MEGF10: variants seen among roughly 807,000 people sequenced by gnomAD.
MEGF10 encodes the protein multiple EGF like domains 10, also known as multiple epidermal growth factor-like domains protein 10.
A neutral mutation model predicts 147.5 loss-of-function variants in MEGF10; 86 were observed. The ratio of observed to expected loss-of-function variants is 0.58; its 90% CI spans 0.49 to 0.70. MEGF10 has a LOEUF of 0.70. Ranked by LOEUF, MEGF10 falls within the 30% of genes least tolerant of loss-of-function variation. MEGF10 has a pLI of 0.00. For missense variants in MEGF10, 1,329 were observed against 1,487.3 expected, an observed-to-expected ratio of 0.89 and a Z score of 1.75; for synonymous variants, 478 against 525.5, an observed-to-expected ratio of 0.91 and a Z score of 1.24.
At chr5:127,360,332 TTTATC>T (rs1313112815) in intron 4 of MEGF10, among the ~76,000 whole-genome samples, 1 of 152,098 alleles carries the variant, frequency 6.6e-6, no homozygotes, top group Non-Finnish European at 1.5e-5. Flanking sequence ...CGTAGTGACT[TTTATC>T]TGTAATTTTG....
chr5:127,318,904 T>C (rs1374326573), intron 1 of MEGF10, among the ~76,000 whole-genome samples: 2 of 152,198 alleles, frequency 1.3e-5, no homozygotes, highest in African/African-American at 2.4e-5. Flanking sequence ...TATATAAAAA[T>C]TGCTAATTCC....
At chr5:127,337,325 A>G (rs1021078308) in intron 2 of MEGF10, among the ~76,000 whole-genome samples, 4 of 152,080 alleles carry the variant, frequency 2.6e-5, no homozygotes, top group African/African-American at 9.7e-5. Context: ...GGTTATTTCT[A>G]ATCATTTATA....
At chr5:127,294,799 AAATAATAATAAT>A (rs200086613) in intron 1 of MEGF10, among the ~76,000 whole-genome samples, 21 of 108,066 alleles carry the variant, frequency 1.9e-4, no homozygotes, top group East Asian at 1.0e-3. Flanking sequence ...ACTCTGTCTC[AAATAATAATAAT>A]AATAATAATA....
rs138707806 is a variant in MEGF10, at chr5:127,339,847, T to G, written c.218+626T>G. On this transcript the variant is annotated intron_variant, in intron 3 of 24. Coordinates refer to ENST00000503335, the MANE Select transcript of MEGF10 (RefSeq NM_001256545.2). Reference sequence around the variant, plus strand: ...ACACAAGCTGGCCTTGGCCACTCTGTGTAAATTAGCATTTCCCGCCTGTCA... The same window carrying G: ...ACACAAGCTGGCCTTGGCCACTCTGGGTAAATTAGCATTTCCCGCCTGTCA... Among the ~76,000 whole-genome samples, 840 of 152,310 alleles carry G rather than the reference T, an allele frequency of 5.5e-3. 2 individuals are homozygous for G. The highest frequency in any genetic ancestry group is 9.1e-3 in the Non-Finnish European group (618 of 68,022).
chr5:127,402,540 A>G lies in MEGF10; in HGVS notation c.781-6A>G. 1 of 1,611,312 alleles carries G rather than the reference A, an allele frequency of 6.2e-7. No individual in the cohort carries two copies. The highest frequency in any genetic ancestry group is 2.2e-5 in the East Asian group (1 of 44,766). ...CATCTAATTTTCCAAGTCTCTTTGAATGCAGGGCACAGTGTGTGGTCAGCC... is the reference window on the plus strand; with the variant it reads ...CATCTAATTTTCCAAGTCTCTTTGAGTGCAGGGCACAGTGTGTGGTCAGCC... On this transcript the variant is annotated splice_polypyrimidine_tract_variant and splice_region_variant and intron_variant, in intron 7 of 24. Coordinates refer to ENST00000503335, the MANE Select transcript of MEGF10 (RefSeq NM_001256545.2).
intron 13 of MEGF10, 121 bp from the exon 14 acceptor site, chr5:127,433,242 T>C (rs1765445663): frequency 1.7e-6 from 2 of 1,163,814 alleles, no homozygotes; most frequent in African/African-American, 3.0e-5. Context: ...TAACTCTCCA[T>C]TCATTGCTGC....
intron 1 of MEGF10, among the ~76,000 whole-genome samples, chr5:127,325,077 T>A (rs1760957590): frequency 6.6e-6 from 1 of 152,190 alleles, no homozygotes; most frequent in Admixed American, 6.5e-5. Flanking sequence ...ATAGACCTTC[T>A]CCTGTGGACT....
At chr5:127,399,237 T>C (rs1462751297) in intron 7 of MEGF10, among the ~76,000 whole-genome samples, 2 of 152,216 alleles carry the variant, frequency 1.3e-5, no homozygotes, top group Non-Finnish European at 2.9e-5. Flanking sequence ...AATCTGGGGA[T>C]ACATTGAGGT....
chr5:127,366,615 C>T (rs1762665319), intron 4 of MEGF10, among the ~76,000 whole-genome samples: 1 of 152,182 alleles, frequency 6.6e-6, no homozygotes, highest in South Asian at 2.1e-4. Flanking sequence ...GCTAATGACG[C>T]ATCCACATTT....
chr5:127,391,937 G>A (rs576870221), intron 5 of MEGF10, among the ~76,000 whole-genome samples: 3 of 152,314 alleles, frequency 2.0e-5, no homozygotes, highest in Admixed American at 2.0e-4. Flanking sequence ...GCCAAGGCTG[G>A]AGGATCTGTT....
At chr5:127,267,288 G>A in the MEGF10 span, among the ~76,000 whole-genome samples, 1 of 152,074 alleles carries the variant, frequency 6.6e-6, no homozygotes, top group Non-Finnish European at 1.5e-5. Flanking sequence ...GGTCATGGTG[G>A]ATAAGCTTTT....
In MEGF10 at chr5:127,405,150, T is replaced by C. The variant is rs190626776; in HGVS notation, c.917+2468T>C. 1.2e-3 allele frequency among the ~76,000 whole-genome samples: 178 copies of C among 152,320 alleles called. 1 individual carries two copies. The highest frequency in any genetic ancestry group is 3.4e-3 in the Admixed American group (52 of 15,300). On this transcript the variant is annotated intron_variant, in intron 8 of 24. Coordinates refer to ENST00000503335, the MANE Select transcript of MEGF10 (RefSeq NM_001256545.2). ...GAGCAATTTCTATGAACTATGTAAA[T>C]ACTAGTGATTATCAGTTTGAGTGCT... is the stretch of plus-strand genomic sequence containing the variant.
intron 1 of MEGF10, among the ~76,000 whole-genome samples, chr5:127,292,592 C>T (rs1399330712): frequency 1.3e-5 from 2 of 152,084 alleles, no homozygotes; most frequent in Non-Finnish European, 2.9e-5. Flanking sequence ...CTTTGTATTG[C>T]TTTTTTGTTG....
At chr5:127,394,139 C>G (rs1461415747) in intron 5 of MEGF10, among the ~76,000 whole-genome samples, 4 of 151,994 alleles carry the variant, frequency 2.6e-5, no homozygotes, top group Non-Finnish European at 5.9e-5. Context: ...GGTAAAATTT[C>G]TTTTTTGTTG....
At chr5:127,382,085 T>C (rs1268815362) in intron 5 of MEGF10, among the ~76,000 whole-genome samples, 3 of 152,250 alleles carry the variant, frequency 2.0e-5, no homozygotes, top group Non-Finnish European at 4.4e-5. Flanking sequence ...CAGGTCAGAA[T>C]TTCCCCCCAA....
intron 4 of MEGF10, among the ~76,000 whole-genome samples, chr5:127,358,664 C>T (rs979843600): frequency 6.6e-6 from 1 of 152,132 alleles, no homozygotes; most frequent in African/African-American, 2.4e-5. Flanking sequence ...AATGAAGGTA[C>T]CTTCCTTCTG....
chr5:127,373,029 T>A (rs901443970), intron 5 of MEGF10, among the ~76,000 whole-genome samples: 1 of 152,250 alleles, frequency 6.6e-6, no homozygotes, highest in Non-Finnish European at 1.5e-5. Context: ...TCTCCTGCAT[T>A]TATTCAAACA....
intron 4 of MEGF10, among the ~76,000 whole-genome samples, chr5:127,350,952 A>G (rs1023354371): frequency 4.0e-5 from 6 of 151,332 alleles, no homozygotes; most frequent in Non-Finnish European, 8.8e-5. Context: ...ATTCAATTAT[A>G]CTCATGGGGG....
chr5:127,231,770 G>C, the MEGF10 span, among the ~76,000 whole-genome samples: 12 of 152,334 alleles, frequency 7.9e-5, no homozygotes, highest in African/African-American at 2.4e-4. Context: ...CATTAGCCCA[G>C]TATGATATAG....
Sources: gnomAD v4.1 joint callset for allele counts (sites outside exome capture counted in the v4.1 genomes callset) on GRCh38, gnomAD v4.1.1 for gene constraint, MANE v1.5 for transcripts, NCBI Gene and HGNC (gene_info 2026-07-23, HGNC 2026-07-21) for gene names.